SLC3A1: variants seen among roughly 807,000 people sequenced by gnomAD.
The protein encoded by SLC3A1 is solute carrier family 3 member 1.
In SLC3A1, 78 loss-of-function variants were observed where a neutral mutation model predicts 60.3. The observed-to-expected ratio is 1.29, with a 90% CI of 1.08 to 1.56. SLC3A1 has a LOEUF of 1.56. Ranked by LOEUF, SLC3A1 falls within the 40% of genes most tolerant of loss-of-function variation. The pLI is 0.00. For missense variants in SLC3A1, 1,172 were observed against 858.9 expected (o/e 1.36, Z -4.56); for synonymous variants, 392 against 307.9 (o/e 1.27, Z -2.86).
intron 7 of SLC3A1, among the ~76,000 whole-genome samples, chr2:44,310,366 T>C (rs1572813684): frequency 6.6e-6 from 1 of 152,216 alleles, no homozygotes; most frequent in African/African-American, 2.4e-5. Flanking sequence ...ACAAATGAAG[T>C]GGTATCTCAT....
In SLC3A1 at chr2:44,275,884, TG is replaced by T; in HGVS notation, c.351del (p.Trp117CysfsTer26). 6.2e-7 allele frequency: 1 copy of T among 1,614,192 alleles called. No homozygotes were observed. The highest frequency in any genetic ancestry group is 2.2e-5 in the East Asian group (1 of 44,882). ...IIALSPKCLD[W>X]WQEGPMYQIY... ...TGCCCTCTCTCCAAAGTGCCTAGACTGGTGGCAGGAGGGGCCCATGTACCAG... is the reference window on the plus strand; with the variant it reads ...TGCCCTCTCTCCAAAGTGCCTAGACTGTGGCAGGAGGGGCCCATGTACCAG... On this transcript the variant is annotated frameshift_variant, in exon 1 of 10. Transcript: ENST00000260649. LOFTEE classifies it high-confidence loss of function.
chr2:44,318,154 G>A (rs912417090), intron 9 of SLC3A1: 5 of 438,284 alleles, frequency 1.1e-5, no homozygotes, highest in Non-Finnish European at 2.3e-5. Flanking sequence ...GCAGTGGCGT[G>A]ATCTCGGCAC....
At chr2:44,310,872 C>T (rs1338600227) in intron 7 of SLC3A1, among the ~76,000 whole-genome samples, 3 of 151,660 alleles carry the variant, frequency 2.0e-5, no homozygotes, top group African/African-American at 7.3e-5. Flanking sequence ...AAACATGGCT[C>T]ACTGCAACCT....
Position 44,275,511 on chromosome 2 carries a change from C to T in SLC3A1, c.-25C>T. 1.2e-6 allele frequency: 2 copies of T among 1,607,332 alleles called. No individual in the cohort carries two copies. Among genetic ancestry groups the T allele is most frequent in the Non-Finnish European group, 1.7e-6 (2 of 1,175,082 alleles). On this transcript the variant is annotated 5_prime_UTR_variant, in exon 1 of 10. Transcript: ENST00000260649. ...CCACCTCCCTTACTGCAGGAAGGCA[C>T]TCCGAAGACATAAGTCGGTGAGACA...
Position 44,280,956 on chromosome 2 carries a change from T to C in SLC3A1, c.610+61T>C, listed in dbSNP as rs10427398. 0.014 allele frequency: 19,853 copies of C among 1,419,638 alleles called. 247 individuals carry two copies. The highest frequency in any genetic ancestry group is 0.059 in the Middle Eastern group (332 of 5,640). The allele number at this position is 1,419,638 out of a possible 1,614,324, so 87.9% of individuals were successfully genotyped here. A position where few individuals can be genotyped will look rare whatever the true frequency, so the allele number is the denominator to read the frequency against. The stretch of plus-strand genomic sequence containing the variant: ...GGTTTGAGAGAAGCACTTTTTCAAA[T>C]GTTTACTTAAAGCATTTCTTCTCCT... On this transcript the variant is annotated intron_variant, in intron 2 of 9. Coordinates refer to ENST00000260649, the MANE Select transcript of SLC3A1 (RefSeq NM_000341.4).
At chr2:44,304,101 C>G in intron 6 of SLC3A1, 42 bp from the exon 7 acceptor site, 1 of 1,542,272 alleles carries the variant, frequency 6.5e-7, no homozygotes, top group Non-Finnish European at 9.0e-7. Flanking sequence ...TCCCAGTCTT[C>G]TGACAGGCCC....
intron 1 of SLC3A1, among the ~76,000 whole-genome samples, chr2:44,279,616 T>C (rs1245046931): frequency 2.0e-5 from 3 of 152,164 alleles, no homozygotes; most frequent in Non-Finnish European, 4.4e-5. Flanking sequence ...AATTTTGTAG[T>C]AGCCACATTA....
At position 44,275,719 on chromosome 2, in the gene SLC3A1, G is replaced by A. The variant is rs778587102; in HGVS notation, c.184G>A (p.Val62Ile). The change falls in exon 1 of 10, where the codon GTC becomes ATC. Residue 62 changes from valine (V) to isoleucine (I), a missense_variant. Transcript: ENST00000260649. ...CTCCCAGGAGCCCGACTTCAAGGGC[G>A]TCCAGCCCTATGCGGGGATGCCCAA... Reference protein sequence around the residue: ...LGSQEPDFKGVQPYAGMPKEV... With the variant: ...LGSQEPDFKGIQPYAGMPKEV... 2.6e-5 allele frequency: 42 copies of A among 1,614,064 alleles called. No individual in the cohort carries two copies. Among genetic ancestry groups the A allele is most frequent in the South Asian group, 2.5e-4 (23 of 91,090 alleles).
chr2:44,276,011 G>T lies in SLC3A1; in HGVS notation c.430+46G>T, dbSNP rs767321425. 4 of 1,572,958 alleles carry T rather than the reference G, an allele frequency of 2.5e-6. No individual in the cohort carries two copies. The East Asian group carries it at 9.0e-5, about 35-fold the overall frequency. The stretch of plus-strand genomic sequence containing the variant: ...TAGGGTGGGTGCCAGGATGAGATTG[G>T]TTTATGGTTCTTTTGTTCTTCAGAA... On this transcript the variant is annotated intron_variant, in intron 1 of 9. Transcript: ENST00000260649.
At chr2:44,318,453 C>T (rs1373481977) in intron 9 of SLC3A1, 2 of 174,180 alleles carry the variant, frequency 1.1e-5, no homozygotes, top group Non-Finnish European at 2.5e-5. Flanking sequence ...AACAGAAAAC[C>T]AGTTCTATCA....
chr2:44,300,233 T>C, intron 5 of SLC3A1, 143 bp downstream of exon 5: 1 of 869,460 alleles, frequency 1.2e-6, no homozygotes, highest in Non-Finnish European at 1.8e-6. Context: ...CTTTAGGAAA[T>C]GTGCAAGAGT....
chr2:44,292,761 G>A (rs1391995094), intron 4 of SLC3A1, among the ~76,000 whole-genome samples: 1 of 151,888 alleles, frequency 6.6e-6, no homozygotes, highest in Non-Finnish European at 1.5e-5. Flanking sequence ...GTATCACTGG[G>A]ATGTGATATA....
chr2:44,299,189 C>G (rs187429044), intron 4 of SLC3A1, among the ~76,000 whole-genome samples: 40 of 152,190 alleles, frequency 2.6e-4, no homozygotes, highest in African/African-American at 9.4e-4. Context: ...TGGGCACCCG[C>G]CACCATGCCT....
At chr2:44,280,639 A>T in intron 1 of SLC3A1, 77 bp from the exon 2 acceptor site, 1 of 981,150 alleles carries the variant, frequency 1.0e-6, no homozygotes, top group Non-Finnish European at 1.6e-6. Flanking sequence ...TTTCTATCTT[A>T]GGCATATTTG....
chr2:44,321,207 G>T lies in SLC3A1; in HGVS notation c.*568G>T, dbSNP rs559285849. 5.7e-6 allele frequency: 4 copies of T among 701,146 alleles called. No individual in the cohort carries two copies. The highest frequency in any genetic ancestry group is 5.4e-5 in the African/African-American group (3 of 55,356). The allele number at this position is 701,146 out of a possible 1,614,324, so 43.4% of individuals were successfully genotyped here. On this transcript the variant is annotated 3_prime_UTR_variant, in exon 10 of 10. Coordinates refer to ENST00000260649, the MANE Select transcript of SLC3A1 (RefSeq NM_000341.4). The stretch of plus-strand genomic sequence containing the variant: ...GAATAGTATAAGCAAGTGAGATGTA[G>T]ACTAAGCAAAATTTAGATGGAGAAG...
At chr2:44,289,957 G>C (rs1238181360) in intron 4 of SLC3A1, among the ~76,000 whole-genome samples, 1 of 151,942 alleles carries the variant, frequency 6.6e-6, no homozygotes, top group Non-Finnish European at 1.5e-5. Flanking sequence ...TTCTTTTGTT[G>C]CTTGTGCCTT....
intron 9 of SLC3A1, chr2:44,318,241 T>C (rs751503131): frequency 3.0e-6 from 1 of 332,888 alleles, no homozygotes; most frequent in South Asian, 2.2e-5. Context: ...CAGGTGCACG[T>C]CATTATGCCC....
In SLC3A1 at chr2:44,289,897, C is replaced by G. The variant is rs182990132; in HGVS notation, c.891+3740C>G. Among the ~76,000 whole-genome samples, 411 of 152,300 alleles carry G rather than the reference C, an allele frequency of 2.7e-3. 8 individuals carry two copies. The highest frequency in any genetic ancestry group is 0.019 in the Admixed American group (290 of 15,288). On this transcript the variant is annotated intron_variant, in intron 4 of 9. Coordinates refer to ENST00000260649, the MANE Select transcript of SLC3A1 (RefSeq NM_000341.4). The stretch of plus-strand genomic sequence containing the variant: ...CCACCCGCCTCGGCCTCCCAAAGTG[C>G]AGGGATTACAGGCATGAGCCACTGC...
chr2:44,321,653 G>T, downstream of SLC3A1: 1 of 1,519,734 alleles, frequency 6.6e-7, no homozygotes, highest in Non-Finnish European at 8.8e-7. Context: ...AAGTACAAGA[G>T]AGAGACATTT....
Sources: gnomAD v4.1 joint callset for allele counts (sites outside exome capture counted in the v4.1 genomes callset) on GRCh38, gnomAD v4.1.1 for gene constraint, MANE v1.5 for transcripts, NCBI Gene and HGNC (gene_info 2026-07-23, HGNC 2026-07-21) for gene names.